Variants in GNB1L observed in about 807,000 individuals in gnomAD.
GNB1L encodes G protein subunit beta 1 like, also known as guanine nucleotide-binding protein subunit beta-like protein 1.
GNB1L carries 20 observed loss-of-function variants against 29.1 expected under a neutral mutation model. That is an observed-to-expected ratio of 0.69 (90% CI 0.48 to 1.00). The LOEUF is 1.00. GNB1L is among the 50% of genes least tolerant of loss of function. The pLI is 0.00. For missense variants in GNB1L, 421 were observed against 464.9 expected (o/e 0.91, Z 0.87); for synonymous variants, 193 against 206.5 (o/e 0.93, Z 0.56).
At chr22:19,837,809 G>A (rs1937791016) in intron 2 of GNB1L, among the ~76,000 whole-genome samples, 1 of 152,208 alleles carries the variant, frequency 6.6e-6, no homozygotes, top group Admixed American at 6.5e-5. Flanking sequence ...ACTGATACAT[G>A]CTTTAATGTG....
At chr22:19,848,655 T>C in intron 2 of GNB1L, 1 of 985,476 alleles carries the variant, frequency 1.0e-6, no homozygotes, top group Non-Finnish European at 1.2e-6. Context: ...TCACCTGGAC[T>C]CTCCCAAGGA....
intron 2 of GNB1L, chr22:19,847,608 A>T: frequency 2.0e-6 from 2 of 978,102 alleles, no homozygotes; most frequent in Non-Finnish European, 2.4e-6. Context: ...ACCCCCATGT[A>T]GTGGTACCGA....
At chr22:19,805,078 G>C (rs1040080671) in intron 6 of GNB1L, among the ~76,000 whole-genome samples, 2 of 152,176 alleles carry the variant, frequency 1.3e-5, no homozygotes, top group Non-Finnish European at 2.9e-5. Context: ...CCTGTGGCCC[G>C]GCTGTGAGCC....
chr22:19,788,277 A>T lies in GNB1L; in HGVS notation c.*432T>A. The T allele has an allele frequency of 2.2e-6, 1 of 460,838 alleles. No individual in the cohort carries two copies. The highest frequency in any genetic ancestry group is 3.9e-6 in the Non-Finnish European group (1 of 258,032). The allele number at this position is 460,838 out of a possible 1,614,324, so 28.5% of individuals were successfully genotyped here. ...TCATCTCCTGAGGCCTGGCCCAGGA[A>T]ACCCACACTCGGGGTGGCCCATTCA... On this transcript the variant is annotated 3_prime_UTR_variant, in exon 8 of 8. Transcript: ENST00000329517.
At chr22:19,798,880 G>A (rs1038720828) in intron 7 of GNB1L, among the ~76,000 whole-genome samples, 1 of 152,244 alleles carries the variant, frequency 6.6e-6, no homozygotes, top group Non-Finnish European at 1.5e-5. Context: ...GCCCTGCAGT[G>A]ACAGCAGCCA....
At chr22:19,847,325 T>C in intron 2 of GNB1L, 1 of 985,424 alleles carries the variant, frequency 1.0e-6, no homozygotes, top group Non-Finnish European at 1.2e-6. Flanking sequence ...TGCTGACTGA[T>C]CCTGCAGGGT....
At position 19,784,336 on chromosome 22, in the gene GNB1L, G is replaced by T. The variant is rs1937171841; in HGVS notation, c.*4373C>A. On this transcript the variant is annotated 3_prime_UTR_variant, in exon 8 of 8. Transcript: ENST00000329517. ...GCAGCGGCGGCGGGTCCTGGGCTGT[G>T]CTCCGGAGCCCTTCCCGGGATCATC... is the stretch of plus-strand genomic sequence containing the variant. 6.6e-6 allele frequency: 1 copy of T among 152,184 alleles called. No homozygotes were observed. The highest frequency in any genetic ancestry group is 2.4e-5 in the African/African-American group (1 of 41,446). The allele number at this position is 152,184 out of a possible 1,614,324, so 9.4% of individuals were successfully genotyped here.
intron 2 of GNB1L, among the ~76,000 whole-genome samples, chr22:19,828,690 T>C (rs2019973661): frequency 6.6e-6 from 1 of 150,880 alleles, no homozygotes; most frequent in African/African-American, 2.4e-5. Context: ...CTATATATAA[T>C]ATATAATTAA....
At chr22:19,825,587 A>G (rs1318429162) in intron 2 of GNB1L, among the ~76,000 whole-genome samples, 2 of 151,888 alleles carry the variant, frequency 1.3e-5, no homozygotes, top group African/African-American at 4.8e-5. Context: ...GCGCCACTGC[A>G]CTCCAGCCTG....
At chr22:19,833,988 T>C (rs1433538002) in intron 2 of GNB1L, among the ~76,000 whole-genome samples, 1 of 151,752 alleles carries the variant, frequency 6.6e-6, no homozygotes, top group Non-Finnish European at 1.5e-5. Flanking sequence ...GTGGTTAGCA[T>C]AGCAGGGACT....
intron 5 of GNB1L, among the ~76,000 whole-genome samples, chr22:19,810,714 G>A (rs1366747679): frequency 1.3e-5 from 2 of 152,144 alleles, no homozygotes; most frequent in African/African-American, 4.8e-5. Flanking sequence ...TGGGGTGGGA[G>A]TGCGGCTCCC....
chr22:19,826,312 C>G (rs1937619429), intron 2 of GNB1L, among the ~76,000 whole-genome samples: 1 of 152,246 alleles, frequency 6.6e-6, no homozygotes, highest in Non-Finnish European at 1.5e-5. Flanking sequence ...AGATCCCCCA[C>G]ACTTCAGTCT....
chr22:19,853,716 TC>T (rs1938165604), intron 2 of GNB1L, among the ~76,000 whole-genome samples: 1 of 150,302 alleles, frequency 6.7e-6, no homozygotes, highest in African/African-American at 2.5e-5. Context: ...CTGACCCCCC[TC>T]TGGGGGGGGG....
Position 19,816,794 on chromosome 22 carries a change from T to C in GNB1L, c.254+3804A>G, listed in dbSNP as rs1440002254. 6.6e-6 allele frequency among the ~76,000 whole-genome samples: 1 copy of C among 152,180 alleles called. No individual in the cohort carries two copies. The highest frequency in any genetic ancestry group is 1.9e-4 in the East Asian group (1 of 5,198). On this transcript the variant is annotated intron_variant, in intron 4 of 7. Transcript: ENST00000329517. The surrounding 1 kb of genome is among the most constrained non-coding windows in gnomAD (Gnocchi z 4.4). ...GCAGGGACAACCCTGGCCTCTGTTA[T>C]CCTGGAGATGTTCACTGACATGCCC...
chr22:19,814,243 C>G (rs1468402238), intron 4 of GNB1L, among the ~76,000 whole-genome samples: 2 of 152,000 alleles, frequency 1.3e-5, no homozygotes, highest in Non-Finnish European at 2.9e-5. Flanking sequence ...ACGAGAATAC[C>G]CCAGTAATAA....
chr22:19,843,504 C>T (rs942490933), intron 2 of GNB1L, among the ~76,000 whole-genome samples: 5 of 152,240 alleles, frequency 3.3e-5, no homozygotes, highest in Admixed American at 2.6e-4. Context: ...AATTTCCCAC[C>T]TCCCAGGGCT....
In GNB1L at chr22:19,783,394, T is replaced by C; in HGVS notation, c.*5315A>G. 1 of 339,036 alleles carries C rather than the reference T, an allele frequency of 2.9e-6. No individual in the cohort carries two copies. Among genetic ancestry groups the C allele is most frequent in the Non-Finnish European group, 5.8e-6 (1 of 172,556 alleles). The allele number at this position is 339,036 out of a possible 1,614,324, so 21.0% of individuals were successfully genotyped here. A position where few individuals can be genotyped will look rare whatever the true frequency, so the allele number is the denominator to read the frequency against. On this transcript the variant is annotated 3_prime_UTR_variant, in exon 8 of 8. Coordinates refer to ENST00000329517, the MANE Select transcript of GNB1L (RefSeq NM_053004.3). ...GATGTGCTGCTGTTCCCAGGCCACC[T>C]GCACAGCTGGATGGTGGAAGCAGTT...
rs959632279 is a variant in GNB1L, at chr22:19,852,586, A to G, written c.-21+1857T>C. 8 of 308,344 alleles carry G rather than the reference A, an allele frequency of 2.6e-5. No individual in the cohort carries two copies. The East Asian group carries it at 4.9e-4, about 19-fold the overall frequency. 19.1% of individuals were successfully genotyped at this position (308,344 alleles called of 1,614,324 possible). On this transcript the variant is annotated intron_variant, in intron 2 of 7. Coordinates refer to ENST00000329517, the MANE Select transcript of GNB1L (RefSeq NM_053004.3). Reference sequence around the variant, plus strand: ...CAAGCGGGCAACCCTCTGGTACCCAACTAGGAGCTTTGAATGGAAGGAGGG... The same window carrying G: ...CAAGCGGGCAACCCTCTGGTACCCAGCTAGGAGCTTTGAATGGAAGGAGGG...
chr22:19,788,982 T>A lies in GNB1L; in HGVS notation c.733-22A>T, dbSNP rs769680884. 4.4e-6 allele frequency: 7 copies of A among 1,581,226 alleles called. No individual in the cohort carries two copies. In the South Asian group the frequency reaches 8.1e-5, roughly 18 times the overall value. On this transcript the variant is annotated intron_variant, in intron 7 of 7. Transcript: ENST00000329517. ...GCACCTGTGAGAGTTGGGAGAGGTG[T>A]TAGGCCACTCCTTAAGCCCACAAGG...
Sources: allele counts gnomAD v4.1 joint callset (sites outside exome capture counted in the v4.1 genomes callset), GRCh38; gene constraint gnomAD v4.1.1; non-coding constraint Gnocchi (gnomAD v3.1); transcripts MANE v1.5; gene names NCBI Gene and HGNC (gene_info 2026-07-23, HGNC 2026-07-21).